WRN: variants seen among roughly 807,000 people sequenced by gnomAD.
WRN encodes WRN RecQ like helicase.
A neutral mutation model predicts 180.7 loss-of-function variants in WRN; 149 were observed. The ratio of observed to expected loss-of-function variants is 0.82; its 90% CI spans 0.72 to 0.94. The LOEUF is 0.94. Ranked by LOEUF, WRN falls within the 40% of genes least tolerant of loss-of-function variation. The pLI is 0.00. For missense variants in WRN, 1,661 were observed against 1,700.1 expected, an observed-to-expected ratio of 0.98 and a Z score of 0.40; for synonymous variants, 548 against 568.9, an observed-to-expected ratio of 0.96 and a Z score of 0.52.
intron 17 of WRN, 49 bp from the exon 18 acceptor site, chr8:31,100,800 T>C: frequency 6.6e-7 from 1 of 1,510,702 alleles, no homozygotes; most frequent in Non-Finnish European, 9.1e-7. Flanking sequence ...AGTTTATTTT[T>C]TCCTTTCGAG....
chr8:31,098,669 TAATCA>T (rs1185610032), intron 17 of WRN, among the ~76,000 whole-genome samples: 2 of 152,246 alleles, frequency 1.3e-5, no homozygotes, highest in Non-Finnish European at 2.9e-5. Flanking sequence ...GACATTTAGC[TAATCA>T]GATTCCTCAT....
chr8:31,140,003 G>GTTTTTTTTTTTTT lies in WRN; in HGVS notation c.2968-1409_2968-1397dup, dbSNP rs71539917. The stretch of plus-strand genomic sequence containing the variant: ...AAGCTCTATGTTTGTATACTTCTTT[G>GTTTTTTTTTTTTT]TTTTTTTTTTTTTTTTTTTTTTTTT... On this transcript the variant is annotated intron_variant, in intron 24 of 34. Transcript: ENST00000298139. 2.9e-4 allele frequency among the ~76,000 whole-genome samples: 18 copies of GTTTTTTTTTTTTT among 62,102 alleles called. 1 individual carries two copies. Among genetic ancestry groups the GTTTTTTTTTTTTT allele is most frequent in the African/African-American group, 4.8e-4 (8 of 16,514 alleles). The allele number at this position is 62,102 out of a possible 152,430, so 40.7% of individuals were successfully genotyped here. A position where few individuals can be genotyped will look rare whatever the true frequency, so the allele number is the denominator to read the frequency against.
intron 7 of WRN, among the ~76,000 whole-genome samples, chr8:31,071,078 G>A (rs1812897202): frequency 6.6e-6 from 1 of 150,820 alleles, no homozygotes; most frequent in South Asian, 2.1e-4. Flanking sequence ...GCTAGCTGAA[G>A]AGTATAGGAA....
At chr8:31,076,892 G>A (rs940428503) in intron 8 of WRN, among the ~76,000 whole-genome samples, 2 of 152,156 alleles carry the variant, frequency 1.3e-5, no homozygotes, top group African/African-American at 2.4e-5. Context: ...TTGGAATACA[G>A]GGGCTATGTC....
chr8:31,152,391 T>C (rs1397634466), intron 31 of WRN, among the ~76,000 whole-genome samples: 2 of 152,058 alleles, frequency 1.3e-5, no homozygotes, highest in African/African-American at 4.8e-5. Flanking sequence ...ATTATTTATT[T>C]TAAAAAAATT....
At chr8:31,044,650 C>T (rs1406896743) in intron 1 of WRN, among the ~76,000 whole-genome samples, 6 of 152,168 alleles carry the variant, frequency 3.9e-5, no homozygotes, top group South Asian at 2.1e-4. Flanking sequence ...CCACTGTGCC[C>T]GGCCAATTTC....
intron 34 of WRN, among the ~76,000 whole-genome samples, chr8:31,167,510 C>T (rs778103519): frequency 9.2e-5 from 14 of 152,104 alleles, no homozygotes; most frequent in Non-Finnish European, 1.3e-4. Context: ...GAAAATCTTT[C>T]GGAGGTATAG....
intron 1 of WRN, among the ~76,000 whole-genome samples, chr8:31,053,603 T>A (rs1480563924): frequency 6.6e-6 from 1 of 152,252 alleles, no homozygotes; most frequent in Non-Finnish European, 1.5e-5. Flanking sequence ...GTGTAGTTAC[T>A]GGCTTCAAAA....
At chr8:31,143,478 G>C (rs2130426291) in intron 27 of WRN, 72 bp from the exon 28 acceptor site, 1 of 1,056,814 alleles carries the variant, frequency 9.5e-7, no homozygotes, top group Non-Finnish European at 1.4e-6. Context: ...TGAGATTTTT[G>C]TTTCTTATTT....
chr8:31,080,053 G>T (rs1173570002), intron 8 of WRN, among the ~76,000 whole-genome samples: 1 of 152,004 alleles, frequency 6.6e-6, no homozygotes, highest in East Asian at 1.9e-4. Context: ...GCTAATTTTT[G>T]TATTTTTAGT....
intron 31 of WRN, among the ~76,000 whole-genome samples, chr8:31,151,230 C>T (rs1004401684): frequency 3.3e-5 from 5 of 152,086 alleles, no homozygotes; most frequent in African/African-American, 1.2e-4. Context: ...CAACAGATGA[C>T]ATTAGAAAAT....
At chr8:31,123,170 G>A (rs908529856) in intron 21 of WRN, among the ~76,000 whole-genome samples, 2 of 151,834 alleles carry the variant, frequency 1.3e-5, no homozygotes, top group East Asian at 1.9e-4. Flanking sequence ...CCCTTTGTCC[G>A]GTGCATTCAC....
chr8:31,174,796 C>CTTCCTTCCTTCCTTCCTTCCTTCCTTA lies in WRN; in HGVS notation c.*1694_*1695insTTCCTTCCTTCCTTCCTTCCTTCCTTA. 2.8e-5 allele frequency among the ~76,000 whole-genome samples: 1 copy of CTTCCTTCCTTCCTTCCTTCCTTCCTTA among 35,338 alleles called. No individual in the cohort carries two copies. Among genetic ancestry groups the CTTCCTTCCTTCCTTCCTTCCTTCCTTA allele is most frequent in the African/African-American group, 6.9e-5 (1 of 14,540 alleles). 23.2% of individuals were successfully genotyped at this position (35,338 alleles called of 152,430 possible). A position where few individuals can be genotyped will look rare whatever the true frequency, so the allele number is the denominator to read the frequency against. On this transcript the variant is annotated 3_prime_UTR_variant, in exon 35 of 35. Coordinates refer to ENST00000298139, the MANE Select transcript of WRN (RefSeq NM_000553.6). ...TCTTTCCTTCCTTCCCTTCCCTTCC[C>CTTCCTTCCTTCCTTCCTTCCTTCCTTA]CTTCCTTCCTTCCTTCCTTCCTTCC...
At position 31,085,137 on chromosome 8, in the gene WRN, A is replaced by T. The variant is rs767379740; in HGVS notation, c.1351-29A>T. On this transcript the variant is annotated intron_variant, in intron 10 of 34. Transcript: ENST00000298139. ...GAGGATATGAAGTCAATTATATTGGAAATTAATGCTTAATACTTTTTTTTA... is the reference window on the plus strand; with the variant it reads ...GAGGATATGAAGTCAATTATATTGGTAATTAATGCTTAATACTTTTTTTTA... 4 of 1,609,416 alleles carry T rather than the reference A, an allele frequency of 2.5e-6. No individual in the cohort carries two copies. In the Admixed American group the frequency reaches 6.7e-5, roughly 27 times the overall value.
At chr8:31,043,947 AT>A (rs143617729) in intron 1 of WRN, among the ~76,000 whole-genome samples, 4,023 of 151,942 alleles carry the variant, frequency 0.026, 172 homozygotes, top group African/African-American at 0.09. Context: ...AAAATATCTG[AT>A]TTTTCTTCTT....
intron 1 of WRN, among the ~76,000 whole-genome samples, chr8:31,051,305 C>T (rs982572072): frequency 5.9e-5 from 9 of 152,100 alleles, no homozygotes; most frequent in Admixed American, 2.0e-4. Context: ...GAAGATGACA[C>T]TATTCTAAGT....
chr8:31,108,404 A>C (rs1279251049), intron 18 of WRN, among the ~76,000 whole-genome samples: 2 of 152,158 alleles, frequency 1.3e-5, no homozygotes, highest in Admixed American at 6.5e-5. Flanking sequence ...AAAATACCAC[A>C]TACTTATAAG....
chr8:31,139,297 T>A (rs1192566894), intron 24 of WRN, among the ~76,000 whole-genome samples: 1 of 152,230 alleles, frequency 6.6e-6, no homozygotes, highest in Non-Finnish European at 1.5e-5. Context: ...TTCATTAGGA[T>A]ATATATGAAA....
intron 18 of WRN, among the ~76,000 whole-genome samples, chr8:31,111,076 A>G (rs1432579649): frequency 6.6e-6 from 1 of 152,112 alleles, no homozygotes; most frequent in African/African-American, 2.4e-5. Context: ...TTATCTCAGT[A>G]CCACTGAAGA....
Sources: gnomAD v4.1 joint callset for allele counts (sites outside exome capture counted in the v4.1 genomes callset) on GRCh38, gnomAD v4.1.1 for gene constraint, MANE v1.5 for transcripts, NCBI Gene and HGNC (gene_info 2026-07-23, HGNC 2026-07-21) for gene names.